Variants in UMODL1 observed in about 807,000 individuals in gnomAD.
UMODL1 encodes the protein uromodulin like 1, also known as uromodulin-like 1.
In UMODL1, 128 loss-of-function variants were observed where a neutral mutation model predicts 136.3. That is an observed-to-expected ratio of 0.94 (90% CI 0.81 to 1.09). The LOEUF (loss-of-function observed/expected upper bound fraction) is 1.09. Ranked by LOEUF, UMODL1 falls within the 50% of genes least tolerant of loss-of-function variation. The pLI is 0.00. For missense variants in UMODL1, 1,766 were observed against 1,725.6 expected, an observed-to-expected ratio of 1.02 and a Z score of -0.41; for synonymous variants, 721 against 720.0, an observed-to-expected ratio of 1.00 and a Z score of -0.02.
Position 42,077,450 on chromosome 21 carries a change from G to A in UMODL1, c.319+1203G>A, listed in dbSNP as rs1175858455. 3.3e-5 allele frequency among the ~76,000 whole-genome samples: 5 copies of A among 151,760 alleles called. No homozygotes were observed. The South Asian group carries it at 6.3e-4, about 19-fold the overall frequency. ...TATACTTTGGTTTAGAAAGAGGAGT[G>A]GGGGTCTAGTTAAAACAATTTTACA... On this transcript the variant is annotated intron_variant, in intron 2 of 22. Coordinates refer to ENST00000408910, the MANE Select transcript of UMODL1 (RefSeq NM_001004416.3).
At chr21:42,127,564 C>T in intron 19 of UMODL1, 108 bp from the exon 20 acceptor site, 1 of 1,299,514 alleles carries the variant, frequency 7.7e-7, no homozygotes, top group South Asian at 1.5e-5. Flanking sequence ...TCCACGGAGC[C>T]TGTGGAATCT....
Position 42,109,564 on chromosome 21 carries a change from T to A in UMODL1, c.1522T>A (p.Trp508Arg). 6.2e-7 allele frequency: 1 copy of A among 1,611,120 alleles called. No individual in the cohort carries two copies. Among genetic ancestry groups the A allele is most frequent in the Non-Finnish European group, 8.5e-7 (1 of 1,179,990 alleles). ...IDRQGTRVQD[W>R]DECVDSAEHD... ...TTGATTGTGTCTCCCCCTGGCAGAC[T>A]GGGACGAGTGTGTGGACAGCGCGGA... The change falls in exon 10 of 23, where the codon TGG (tryptophan) becomes AGG (arginine). Residue 508 changes from tryptophan to arginine, a missense_variant and splice_region_variant. By Grantham distance (101) the Trp-to-Arg change is moderately radical. Transcript: ENST00000408910.
At chr21:42,138,339 G>A (rs552770960) in intron 22 of UMODL1, among the ~76,000 whole-genome samples, 5 of 152,284 alleles carry the variant, frequency 3.3e-5, no homozygotes, top group East Asian at 3.9e-4. Context: ...GGATTGTCAC[G>A]TGTGGTGTGG....
chr21:42,076,665 A>G (rs1020686911), intron 2 of UMODL1, among the ~76,000 whole-genome samples: 2 of 152,142 alleles, frequency 1.3e-5, no homozygotes, highest in African/African-American at 4.8e-5. Flanking sequence ...ATTCTCATAT[A>G]CCACTGAGTG....
chr21:42,123,440 G>A lies in UMODL1; in HGVS notation c.3147+290G>A, dbSNP rs977935909. Among the ~76,000 whole-genome samples, 9 of 152,174 alleles carry A rather than the reference G, an allele frequency of 5.9e-5. No individual in the cohort carries two copies. Among genetic ancestry groups the A allele is most frequent in the Admixed American group, 3.9e-4 (6 of 15,274 alleles). On this transcript the variant is annotated intron_variant, in intron 17 of 22. Coordinates refer to ENST00000408910, the MANE Select transcript of UMODL1 (RefSeq NM_001004416.3). The surrounding 1 kb of genome is among the most constrained non-coding windows in gnomAD (Gnocchi z 4.4). ...AGACAGGATGAGAGGCAGTGGGACA[G>A]GAAGAGGCAGGAAAGCCAAGGAGTC...
rs202150975 is a variant in UMODL1, at chr21:42,127,037, G to A, written c.3325G>A (p.Ala1109Thr). 84 of 1,614,202 alleles carry A rather than the reference G, an allele frequency of 5.2e-5. No homozygotes were observed. The highest frequency in any genetic ancestry group is 2.5e-4 in the African/African-American group (19 of 75,054). The stretch of plus-strand genomic sequence containing the variant: ...CACCATCATCGAGGACCTCCACGGC[G>A]CTGGGAATTTTGTTACCGAAATGCA... ...VYTIIEDLHG[A>T]GNFVTEMQLF... Residue 1109 changes from alanine (A) to threonine (T), a missense_variant, in exon 19 of 23, where the codon GCT becomes ACT. Coordinates refer to ENST00000408910, the MANE Select transcript of UMODL1 (RefSeq NM_001004416.3).
In UMODL1 at chr21:42,127,769, A is replaced by G. The variant is rs994826800; in HGVS notation, c.3628A>G (p.Ile1210Val). 1.2e-5 allele frequency: 19 copies of G among 1,614,028 alleles called. No homozygotes were observed. Among genetic ancestry groups the G allele is most frequent in the Admixed American group, 1.2e-4 (7 of 60,014 alleles). Reference protein sequence around the residue: ...LRIFSFINDSIVYLHCKLRVC... With the variant: ...LRIFSFINDSVVYLHCKLRVC... ...GATCTTTTCCTTTATCAACGACTCCATCGTCTACCTGCACTGCAAACTCCG... is the reference window on the plus strand; with the variant it reads ...GATCTTTTCCTTTATCAACGACTCCGTCGTCTACCTGCACTGCAAACTCCG... The change falls in exon 20 of 23, where the codon ATC becomes GTC. Residue 1210 changes from isoleucine to valine, a missense_variant. Ile to Val is a conservative substitution (Grantham distance 29). Transcript: ENST00000408910.
chr21:42,095,089 GTTTTT>G (rs58764222), intron 6 of UMODL1, among the ~76,000 whole-genome samples: 13 of 61,206 alleles, frequency 2.1e-4, no homozygotes, highest in South Asian at 1.4e-3. Context: ...TTCTTCTGCT[GTTTTT>G]TTTTTTTTTT....
chr21:42,067,933 T>C (rs2146406146), upstream of UMODL1, among the ~76,000 whole-genome samples: 1 of 152,342 alleles, frequency 6.6e-6, no homozygotes, highest in East Asian at 1.9e-4. Flanking sequence ...GCCGAGCTTC[T>C]TCAAAGGTAA....
chr21:42,104,034 C>G lies in UMODL1; in HGVS notation c.1466C>G (p.Pro489Arg). 6.2e-7 allele frequency: 1 copy of G among 1,613,924 alleles called. No individual in the cohort carries two copies. The change falls in exon 9 of 23, where the codon CCC becomes CGC. Residue 489 changes from proline (P) to arginine (R), a missense_variant. Physicochemically the swap from Pro to Arg is moderately radical, Grantham distance 103. Coordinates refer to ENST00000408910, the MANE Select transcript of UMODL1 (RefSeq NM_001004416.3). Reference protein sequence around the residue: ...GISTLAPILQPLLASTVFQID... With the variant: ...GISTLAPILQRLLASTVFQID... ...TCCACGCTGGCCCCCATACTCCAGC[C>G]CCTGTTGGCAAGCACAGTGTTCCAG... is the stretch of plus-strand genomic sequence containing the variant.
chr21:42,098,167 G>A (rs111316433), intron 6 of UMODL1, among the ~76,000 whole-genome samples: 4,461 of 139,036 alleles, frequency 0.032, 92 homozygotes, highest in Middle Eastern at 0.055. Flanking sequence ...GACTGTATAC[G>A]GGTCCCCAGA....
upstream of UMODL1, among the ~76,000 whole-genome samples, chr21:42,070,068 A>G (rs552870859): frequency 1.6e-4 from 24 of 152,300 alleles, no homozygotes; most frequent in South Asian, 5.0e-3. Context: ...ACATTTAGTC[A>G]TTAGCCAAGC....
rs2066605192 is a variant in UMODL1 at position 42,099,837 on chromosome 21, C to T, written c.1186+657C>T. 6.6e-6 allele frequency among the ~76,000 whole-genome samples: 1 copy of T among 152,200 alleles called. No homozygotes were observed. The highest frequency in any genetic ancestry group is 2.1e-4 in the South Asian group (1 of 4,816). On this transcript the variant is annotated intron_variant, in intron 7 of 22. Transcript: ENST00000408910. This position sits in a 1 kb window ranked among gnomAD's most constrained non-coding sequence, Gnocchi z 4.1. Reference sequence around the variant, plus strand: ...CTGGGACCACAGGCACACACCACCACACCAGGCTAAATTTTTTATTTTTCA... The same window carrying T: ...CTGGGACCACAGGCACACACCACCATACCAGGCTAAATTTTTTATTTTTCA...
rs2066598610 is a variant in UMODL1 at position 42,099,325 on chromosome 21, A to C, written c.1186+145A>C. On this transcript the variant is annotated intron_variant, in intron 7 of 22. Transcript: ENST00000408910. The surrounding 1 kb of genome is among the most constrained non-coding windows in gnomAD (Gnocchi z 4.1). Reference sequence around the variant, plus strand: ...CCCTGCACTTCCTCCCTCCCCTCCCAGTCATCCCACTGCCTGCCCGGCATT... The same window carrying C: ...CCCTGCACTTCCTCCCTCCCCTCCCCGTCATCCCACTGCCTGCCCGGCATT... The C allele has an allele frequency of 1.0e-5, 13 of 1,251,126 alleles. No homozygotes were observed. Among genetic ancestry groups the C allele is most frequent in the African/African-American group, 1.5e-5 (1 of 66,224 alleles). The allele number at this position is 1,251,126 out of a possible 1,614,324, so 77.5% of individuals were successfully genotyped here.
intron 9 of UMODL1, among the ~76,000 whole-genome samples, chr21:42,106,784 A>G (rs1231318611): frequency 2.0e-5 from 3 of 151,772 alleles, no homozygotes; most frequent in East Asian, 3.9e-4. Flanking sequence ...CAGCTCTGAC[A>G]CTCACTCACT....
rs1464514660 is a variant in UMODL1, at chr21:42,137,592, A to G, written c.3929A>G (p.Asn1310Ser). Reference sequence around the variant, plus strand: ...TACAACTTTAAAATCCAGTCCAACAACTTCAGCTACCAGGTGTTCTACGAA... The same window carrying G: ...TACAACTTTAAAATCCAGTCCAACAGCTTCAGCTACCAGGTGTTCTACGAA... Reference protein sequence around the residue: ...GRYNFKIQSNNFSYQVFYE With the variant: ...GRYNFKIQSNSFSYQVFYE Residue 1310 changes from asparagine (N) to serine (S), a missense_variant, in exon 22 of 23, where the codon AAC (asparagine) becomes AGC (serine). Physicochemically the swap from Asn to Ser is conservative, Grantham distance 46 (BLOSUM62 1). Transcript: ENST00000408910. 1.2e-6 allele frequency: 2 copies of G among 1,614,040 alleles called. No individual in the cohort carries two copies. The highest frequency in any genetic ancestry group is 1.7e-6 in the Non-Finnish European group (2 of 1,180,002).
chr21:42,125,028 AG>A (rs1204712986), intron 17 of UMODL1, among the ~76,000 whole-genome samples: 1 of 151,886 alleles, frequency 6.6e-6, no homozygotes, highest in Non-Finnish European at 1.5e-5. Flanking sequence ...AGGAGCCTTG[AG>A]GGGGTGCTGC....
intron 2 of UMODL1, among the ~76,000 whole-genome samples, chr21:42,082,980 T>C (rs940428367): frequency 2.6e-5 from 4 of 152,150 alleles, no homozygotes; most frequent in African/African-American, 9.7e-5. Flanking sequence ...TGAGGTCTGG[T>C]CCCCAGGACC....
intron 15 of UMODL1, 138 bp from the exon 16 acceptor site, chr21:42,120,949 C>A (rs1015713238): frequency 8.9e-7 from 1 of 1,119,262 alleles, no homozygotes; most frequent in Non-Finnish European, 1.3e-6. Flanking sequence ...CTTTCCAGAA[C>A]TGGTGAGCTT....
Sources: gnomAD v4.1 joint callset for allele counts (sites outside exome capture counted in the v4.1 genomes callset) on GRCh38, gnomAD v4.1.1 for gene constraint, Gnocchi (gnomAD v3.1) non-coding constraint, MANE v1.5 for transcripts, NCBI Gene and HGNC (gene_info 2026-07-23, HGNC 2026-07-21) for gene names.